Variants in HMCN2 observed in about 807,000 individuals in gnomAD.
The protein encoded by HMCN2 is hemicentin 2.
Under a neutral mutation model 377.5 loss-of-function variants are expected in HMCN2, and 325 were observed. That is an observed-to-expected ratio of 0.86 (90% confidence interval 0.79 to 0.94). HMCN2 has a LOEUF of 0.94. Among genes scored for constraint, HMCN2 ranks in the 40% least tolerant of loss-of-function variants. The pLI is 0.00. For missense variants in HMCN2, 4,543 were observed against 4,725.3 expected, an observed-to-expected ratio of 0.96 and a Z score of 1.13; for synonymous variants, 2,007 against 2,046.8, an observed-to-expected ratio of 0.98 and a Z score of 0.53.
At position 130,402,835 on chromosome 9, in the gene HMCN2, C is replaced by A; in HGVS notation, c.11817C>A (p.Tyr3939Ter). 3 of 1,289,816 alleles carry A rather than the reference C, an allele frequency of 2.3e-6. No individual in the cohort carries two copies. The highest frequency in any genetic ancestry group is 2.5e-5 in the South Asian group (2 of 81,034). The allele number at this position is 1,289,816 out of a possible 1,614,324, so 79.9% of individuals were successfully genotyped here. Residue 3939 changes from tyrosine to a stop codon, truncating the protein, a stop_gained, in exon 78 of 98, where the codon TAC becomes TAA. Coordinates refer to ENST00000683500, the MANE Select transcript of HMCN2 (RefSeq NM_001291815.2). LOFTEE classifies it high-confidence loss of function. Reference protein sequence around the residue: ...GQALPIHAGRYTCSARNSAGV... With the variant: ...GQALPIHAGR ...CCCTCCCCATCCACGCAGGCCGCTA[C>A]ACCTGCTCAGCCCGCAACTCTGCCG...
At chr9:130,413,235 G>A (rs539815388) in intron 85 of HMCN2, among the ~76,000 whole-genome samples, 5 of 152,246 alleles carry the variant, frequency 3.3e-5, no homozygotes, top group East Asian at 1.9e-4. Flanking sequence ...TCAAATCTGC[G>A]TACCTTGAAG....
chr9:130,427,727 G>A, intron 92 of HMCN2, 108 bp downstream of exon 92: 1 of 1,336,594 alleles, frequency 7.5e-7, no homozygotes, highest in Non-Finnish European at 1.0e-6. Flanking sequence ...AGACCTGCAG[G>A]GATGGCCAAT....
intron 1 of HMCN2, among the ~76,000 whole-genome samples, chr9:130,279,534 G>A (rs1462477990): frequency 6.6e-6 from 1 of 152,012 alleles, no homozygotes; most frequent in African/African-American, 2.4e-5. Context: ...TGTGTTTTTA[G>A]TAGAGATGAG....
chr9:130,304,497 G>A lies in HMCN2; in HGVS notation c.1544-233G>A, dbSNP rs1336005990. On this transcript the variant is annotated intron_variant, in intron 10 of 97. Coordinates refer to ENST00000683500, the MANE Select transcript of HMCN2 (RefSeq NM_001291815.2). This position sits in a 1 kb window ranked among gnomAD's most constrained non-coding sequence, Gnocchi z 4.3. ...GTATTTTGGAGAGCAGGCGTGTACC[G>A]TGCAGCCCCTGGCAGGTGTATAATG... 4.6e-5 allele frequency among the ~76,000 whole-genome samples: 7 copies of A among 152,286 alleles called. No individual in the cohort carries two copies. The highest frequency in any genetic ancestry group is 3.4e-3 in the Middle Eastern group (1 of 294).
At position 130,306,165 on chromosome 9, in the gene HMCN2, A is replaced by T. The variant is rs1157128607; in HGVS notation, c.1853A>T (p.His618Leu). The change falls in exon 12 of 98, where the codon CAC (histidine) becomes CTC (leucine). Residue 618 changes from histidine (H) to leucine (L), a missense_variant. Transcript: ENST00000683500. ...PQVSIHTSSQ[H>L]FSQGVEVKVS... The stretch of plus-strand genomic sequence containing the variant: ...GTCAGCATCCACACCAGCTCCCAGC[A>T]CTTCTCCCAAGGTGTGGAGGTGAAG... 2 of 470,954 alleles carry T rather than the reference A, an allele frequency of 4.2e-6. No homozygotes were observed. The highest frequency in any genetic ancestry group is 4.0e-5 in the African/African-American group (2 of 50,044). The allele number at this position is 470,954 out of a possible 1,614,324, so 29.2% of individuals were successfully genotyped here. A position where few individuals can be genotyped will look rare whatever the true frequency, so the allele number is the denominator to read the frequency against.
At chr9:130,335,841 T>C (rs1350549419) in intron 22 of HMCN2, among the ~76,000 whole-genome samples, 6 of 152,226 alleles carry the variant, frequency 3.9e-5, no homozygotes, top group Non-Finnish European at 8.8e-5. Flanking sequence ...CTTCATGTCC[T>C]CAGGCAGTGG....
At position 130,408,827 on chromosome 9, in the gene HMCN2, G is replaced by A. The variant is rs947095983; in HGVS notation, c.12773G>A (p.Gly4258Glu). 6 of 1,289,664 alleles carry A rather than the reference G, an allele frequency of 4.7e-6. No individual in the cohort carries two copies. Among genetic ancestry groups the A allele is most frequent in the Middle Eastern group, 2.1e-4 (1 of 4,716 alleles). The allele number at this position is 1,289,664 out of a possible 1,614,324, so 79.9% of individuals were successfully genotyped here. A position where few individuals can be genotyped will look rare whatever the true frequency, so the allele number is the denominator to read the frequency against. The part of the protein sequence containing the change: ...GSIQLDCVVR[G>E]DPVPDIHWIK... ...ATTCAGCTAGACTGTGTGGTGCGTG[G>A]AGACCCAGTGCCGGACATCCACTGG... Residue 4258 changes from glycine (G) to glutamate (E), a missense_variant, in exon 84 of 98, where the codon GGA (glycine) becomes GAA (glutamate). By Grantham distance (98) the Gly-to-Glu change is moderately conservative. Transcript: ENST00000683500.
rs368285657 is a variant in HMCN2 at position 130,396,017 on chromosome 9, C to T, written c.11005C>T (p.Arg3669Cys). 436 of 1,287,368 alleles carry T rather than the reference C, an allele frequency of 3.4e-4. 4 individuals carry two copies. The East Asian group carries it at 0.017, about 49-fold the overall frequency. 79.7% of individuals were successfully genotyped at this position (1,287,368 alleles called of 1,614,324 possible). A position where few individuals can be genotyped will look rare whatever the true frequency, so the allele number is the denominator to read the frequency against. Residue 3669 changes from arginine to cysteine, a missense_variant, in exon 72 of 98, where the codon CGC becomes TGC. Physicochemically the swap from Arg to Cys is radical, Grantham distance 180. Around this residue, in one of 5 missense-constraint regions of HMCN2, gnomAD observed 1,073 missense variants for 1,319.5 expected, o/e 0.81. Transcript: ENST00000683500. ...CAGCGGCGACTACAGCTGCACAGCCCGCAACGCCGCAGGCAGCACTAGTGT... is the reference window on the plus strand; with the variant it reads ...CAGCGGCGACTACAGCTGCACAGCCTGCAACGCCGCAGGCAGCACTAGTGT... ...ADSGDYSCTA[R>C]NAAGSTSVAF...
chr9:130,330,394 C>G (rs1028995809), intron 22 of HMCN2, among the ~76,000 whole-genome samples: 5 of 152,210 alleles, frequency 3.3e-5, no homozygotes, highest in Non-Finnish European at 7.3e-5. Flanking sequence ...CTCCTGCCAG[C>G]GCCCTGTAGG....
chr9:130,361,200 C>T lies in HMCN2; in HGVS notation c.5950+596C>T, dbSNP rs1013494135. On this transcript the variant is annotated intron_variant, in intron 38 of 97. Coordinates refer to ENST00000683500, the MANE Select transcript of HMCN2 (RefSeq NM_001291815.2). The surrounding 1 kb of genome is among the most constrained non-coding windows in gnomAD (Gnocchi z 4.8). Reference sequence around the variant, plus strand: ...GGAGCTTTCAGTGTAGTGGAGGACACAGCAATCAGATCATTCCCCAGAGTA... The same window carrying T: ...GGAGCTTTCAGTGTAGTGGAGGACATAGCAATCAGATCATTCCCCAGAGTA... 6.6e-6 allele frequency among the ~76,000 whole-genome samples: 1 copy of T among 152,208 alleles called. No homozygotes were observed. The highest frequency in any genetic ancestry group is 1.5e-5 in the Non-Finnish European group (1 of 68,048).
chr9:130,413,652 T>G (rs1171204469), intron 85 of HMCN2, among the ~76,000 whole-genome samples: 2 of 152,118 alleles, frequency 1.3e-5, no homozygotes, highest in Admixed American at 1.3e-4. Flanking sequence ...GCCCTGGTGT[T>G]TCTTTTTGTC....
At chr9:130,398,284 G>C (rs1457291017) in intron 74 of HMCN2, among the ~76,000 whole-genome samples, 1 of 152,040 alleles carries the variant, frequency 6.6e-6, no homozygotes, top group Admixed American at 6.6e-5. Flanking sequence ...GTGGGCCCTG[G>C]CCTCAGGTGG....
intron 31 of HMCN2, among the ~76,000 whole-genome samples, chr9:130,353,739 C>T (rs1839858929): frequency 6.6e-6 from 1 of 152,202 alleles, no homozygotes; most frequent in African/African-American, 2.4e-5. Flanking sequence ...TGACTCCAGA[C>T]CTCATGCTGT....
chr9:130,432,582 T>C, intron 97 of HMCN2, 27 bp downstream of exon 97: 1 of 1,546,680 alleles, frequency 6.5e-7, no homozygotes, highest in Non-Finnish European at 8.7e-7. Context: ...CAGGGCCTCG[T>C]GCCCTCAGGA....
chr9:130,407,780 G>T, intron 83 of HMCN2, 75 bp downstream of exon 83: 3 of 1,092,578 alleles, frequency 2.7e-6, no homozygotes, highest in Non-Finnish European at 3.4e-6. Flanking sequence ...GGTTTCCTAA[G>T]AACCCAGCCT....
At chr9:130,278,810 A>G (rs143480008) in intron 1 of HMCN2, among the ~76,000 whole-genome samples, 3 of 147,324 alleles carry the variant, frequency 2.0e-5, no homozygotes, top group East Asian at 4.2e-4. Context: ...TGAGCTCCCA[A>G]CCTCAGGTGA....
At chr9:130,334,086 G>C (rs1838578258) in intron 22 of HMCN2, among the ~76,000 whole-genome samples, 2 of 152,330 alleles carry the variant, frequency 1.3e-5, no homozygotes, top group South Asian at 4.1e-4. Flanking sequence ...CTCCGTATTG[G>C]AAGATGAATC....
rs1176329145 is a variant in HMCN2, at chr9:130,369,964, T to C, written c.7069+113T>C. On this transcript the variant is annotated intron_variant, in intron 45 of 97. Coordinates refer to ENST00000683500, the MANE Select transcript of HMCN2 (RefSeq NM_001291815.2). This position sits in a 1 kb window ranked among gnomAD's most constrained non-coding sequence, Gnocchi z 4.5. ...TGTGATCCTGGGGTCACACCTGTTC[T>C]TTCTGGAGTCAGGGCTCTAATGAGA... 1 of 587,820 alleles carries C rather than the reference T, an allele frequency of 1.7e-6. No homozygotes were observed. The highest frequency in any genetic ancestry group is 2.1e-6 in the Non-Finnish European group (1 of 466,500). 36.4% of individuals were successfully genotyped at this position (587,820 alleles called of 1,614,324 possible). A position where few individuals can be genotyped will look rare whatever the true frequency, so the allele number is the denominator to read the frequency against.
intron 23 of HMCN2, among the ~76,000 whole-genome samples, chr9:130,340,450 A>G (rs1339669389): frequency 6.6e-6 from 1 of 151,896 alleles, no homozygotes; most frequent in Non-Finnish European, 1.5e-5. Context: ...TTGCTTAGCC[A>G]TTATAAGTCG....
Sources: gnomAD v4.1 joint callset for allele counts (sites outside exome capture counted in the v4.1 genomes callset) on GRCh38, gnomAD v4.1.1 for gene constraint, gnomAD v4.1.1 regional missense constraint, Gnocchi (gnomAD v3.1) non-coding constraint, MANE v1.5 for transcripts, NCBI Gene and HGNC (gene_info 2026-07-23, HGNC 2026-07-21) for gene names.